Variants in CNTNAP2 observed in about 807,000 individuals in gnomAD.
The protein encoded by CNTNAP2 is contactin associated protein 2.
A neutral mutation model predicts 155.2 loss-of-function variants in CNTNAP2; 98 were observed. The observed-to-expected ratio is 0.63, with a 90% CI of 0.54 to 0.75. CNTNAP2 has a LOEUF of 0.75. CNTNAP2 is among the 30% of genes least tolerant of loss of function. The pLI is 0.00. For synonymous variants in CNTNAP2, 651 were observed against 631.2 expected, an observed-to-expected ratio of 1.03 and a Z score of -0.47; for missense variants, 1,727 against 1,688.1, an observed-to-expected ratio of 1.02 and a Z score of -0.40.
At chr7:146,402,052 A>G (rs1365989910) in intron 1 of CNTNAP2, among the ~76,000 whole-genome samples, 1 of 152,204 alleles carries the variant, frequency 6.6e-6, no homozygotes, top group Non-Finnish European at 1.5e-5. Flanking sequence ...TAAGTATTAT[A>G]TGTAGAGATG....
At chr7:146,229,422 G>A (rs1043693897) in intron 1 of CNTNAP2, among the ~76,000 whole-genome samples, 1 of 152,102 alleles carries the variant, frequency 6.6e-6, no homozygotes, top group Non-Finnish European at 1.5e-5. Context: ...AACTCCCAAA[G>A]CCTTTCTTTG....
At chr7:146,435,543 C>A (rs538003474) in intron 1 of CNTNAP2, among the ~76,000 whole-genome samples, 5 of 152,118 alleles carry the variant, frequency 3.3e-5, no homozygotes, top group Admixed American at 6.6e-5. Flanking sequence ...CAGCTGTAAA[C>A]ATCTCTAGTA....
chr7:146,913,050 A>G (rs11977043), intron 3 of CNTNAP2, among the ~76,000 whole-genome samples: 1,659 of 152,276 alleles, frequency 0.011, 33 homozygotes, highest in African/African-American at 0.039. Flanking sequence ...ATCACTTTTC[A>G]TAAGACAAGT....
intron 3 of CNTNAP2, among the ~76,000 whole-genome samples, chr7:147,043,029 T>C (rs190230038): frequency 0.063 from 9,586 of 152,186 alleles, 353 homozygotes; most frequent in Middle Eastern, 0.15. Context: ...GAATTATATC[T>C]TCTAAAATAT....
chr7:146,437,017 G>A (rs1280875073), intron 1 of CNTNAP2, among the ~76,000 whole-genome samples: 1 of 151,532 alleles, frequency 6.6e-6, no homozygotes, highest in Non-Finnish European at 1.5e-5. Flanking sequence ...TGTATGGCCT[G>A]TTAGGAACCG....
chr7:147,768,315 T>C (rs1270632809), intron 13 of CNTNAP2, among the ~76,000 whole-genome samples: 1 of 152,060 alleles, frequency 6.6e-6, no homozygotes, highest in African/African-American at 2.4e-5. Flanking sequence ...GATCCTAAAA[T>C]GAAAATTTGT....
At chr7:146,781,801 A>G (rs1170642268) in intron 2 of CNTNAP2, among the ~76,000 whole-genome samples, 4 of 151,966 alleles carry the variant, frequency 2.6e-5, no homozygotes, top group Non-Finnish European at 4.4e-5. Context: ...TTGCCTTTAA[A>G]TATTAGAAGG....
chr7:146,343,351 CT>C (rs879895434), intron 1 of CNTNAP2, among the ~76,000 whole-genome samples: 11 of 147,972 alleles, frequency 7.4e-5, no homozygotes, highest in Admixed American at 2.0e-4. Flanking sequence ...CTCTCTCTGT[CT>C]TTTTTTTTTC....
intron 14 of CNTNAP2, among the ~76,000 whole-genome samples, chr7:147,919,559 T>C (rs927529156): frequency 5.3e-5 from 8 of 150,004 alleles, no homozygotes; most frequent in African/African-American, 2.0e-4. Context: ...CCTGGGTTCA[T>C]GCCATTCTCT....
intron 15 of CNTNAP2, among the ~76,000 whole-genome samples, chr7:147,986,211 A>G (rs1467502226): frequency 2.6e-5 from 4 of 152,096 alleles, no homozygotes; most frequent in Admixed American, 6.5e-5. Flanking sequence ...CTGTCTCTCC[A>G]TTCCTGCCCT....
chr7:146,438,158 C>G (rs1250695528), intron 1 of CNTNAP2, among the ~76,000 whole-genome samples: 1 of 151,272 alleles, frequency 6.6e-6, no homozygotes, highest in Non-Finnish European at 1.5e-5. Flanking sequence ...TACTAGCAAG[C>G]CCGGAATGCC....
intron 10 of CNTNAP2, among the ~76,000 whole-genome samples, chr7:147,437,804 A>G (rs1325634114): frequency 6.6e-6 from 1 of 152,140 alleles, no homozygotes; most frequent in Non-Finnish European, 1.5e-5. Context: ...TTTTAACAAT[A>G]TTGATTCTTC....
At chr7:147,987,187 C>T (rs1373889624) in intron 15 of CNTNAP2, among the ~76,000 whole-genome samples, 3 of 152,128 alleles carry the variant, frequency 2.0e-5, no homozygotes, top group East Asian at 3.9e-4. Context: ...AATGCTGTAG[C>T]TTTTACAAGT....
At chr7:147,531,528 C>G (rs1799430695) in intron 11 of CNTNAP2, among the ~76,000 whole-genome samples, 1 of 152,222 alleles carries the variant, frequency 6.6e-6, no homozygotes, top group African/African-American at 2.4e-5. Context: ...ACAGCCCAAG[C>G]TGTACATTGG....
chr7:147,286,289 A>T (rs1172713528), intron 8 of CNTNAP2, among the ~76,000 whole-genome samples: 1 of 152,106 alleles, frequency 6.6e-6, no homozygotes, highest in African/African-American at 2.4e-5. Flanking sequence ...GTCAATTTAG[A>T]TTTAAGAAAT....
chr7:146,729,616 T>C (rs1046786697), intron 1 of CNTNAP2, among the ~76,000 whole-genome samples: 27 of 151,948 alleles, frequency 1.8e-4, no homozygotes, highest in Non-Finnish European at 3.1e-4. Flanking sequence ...GTGTATTAAA[T>C]ATAGATATAG....
intron 1 of CNTNAP2, among the ~76,000 whole-genome samples, chr7:146,567,233 C>A (rs1052412981): frequency 6.6e-6 from 1 of 152,108 alleles, no homozygotes; most frequent in Admixed American, 6.6e-5. Context: ...TCTGCCTTGG[C>A]ATACTGCATT....
intron 8 of CNTNAP2, among the ~76,000 whole-genome samples, chr7:147,160,712 T>G (rs1156990351): frequency 2.6e-5 from 4 of 152,120 alleles, no homozygotes; most frequent in African/African-American, 7.2e-5. Context: ...GGGAGATTGT[T>G]TACTTATTTT....
chr7:147,182,813 T>C (rs1223397582), intron 8 of CNTNAP2, among the ~76,000 whole-genome samples: 4 of 152,160 alleles, frequency 2.6e-5, no homozygotes, highest in Non-Finnish European at 4.4e-5. Flanking sequence ...ATAATGGGAA[T>C]AGTTTTAATG....
Sources: allele counts gnomAD v4.1 joint callset (sites outside exome capture counted in the v4.1 genomes callset), GRCh38; gene constraint gnomAD v4.1.1; transcripts MANE v1.5; gene names NCBI Gene and HGNC (gene_info 2026-07-23, HGNC 2026-07-21).